The following MPRIP variants were observed in gnomAD, a reference collection of about 807,000 sequenced individuals.
MPRIP encodes the protein myosin phosphatase Rho interacting protein, also known as myosin phosphatase Rho-interacting protein.
A neutral mutation model predicts 234.9 loss-of-function variants in MPRIP; 59 were observed. That is an observed-to-expected ratio of 0.25 (90% CI 0.20 to 0.31). The LOEUF (loss-of-function observed/expected upper bound fraction) is 0.31. MPRIP is among the 10% of genes least tolerant of loss of function. MPRIP has a pLI of 1.00. For missense variants in MPRIP, 2,436 were observed against 3,071.0 expected, an observed-to-expected ratio of 0.79 and a Z score of 4.89; for synonymous variants, 1,144 against 1,263.9, an observed-to-expected ratio of 0.91 and a Z score of 2.01.
intron 3 of MPRIP, among the ~76,000 whole-genome samples, chr17:17,085,705 A>G (rs11652936): frequency 0.069 from 10,455 of 152,276 alleles, 500 homozygotes; most frequent in East Asian, 0.17. Context: ...CGAGGTCAGG[A>G]GATCGAGACC....
chr17:17,187,426 C>T lies in MPRIP; in HGVS notation c.*2532C>T, dbSNP rs56129495. 13,013 of 152,262 alleles carry T rather than the reference C, an allele frequency of 0.085. 699 individuals carry two copies. Among genetic ancestry groups the T allele is most frequent in the Middle Eastern group, 0.15 (45 of 294 alleles). 9.4% of individuals were successfully genotyped at this position (152,262 alleles called of 1,614,324 possible). A position where few individuals can be genotyped will look rare whatever the true frequency, so the allele number is the denominator to read the frequency against. On this transcript the variant is annotated 3_prime_UTR_variant, in exon 24 of 24. Transcript: ENST00000651222. ...TGAAAATGCCCTGGGCCTGTCCTGG[C>T]GTTTCTGAAGAGCCCTCATACAGGG...
chr17:17,129,918 G>A (rs2090563818), intron 4 of MPRIP, among the ~76,000 whole-genome samples: 2 of 152,224 alleles, frequency 1.3e-5, no homozygotes, highest in Non-Finnish European at 2.9e-5. Flanking sequence ...CATAGGGCTT[G>A]TGAACATCCC....
At chr17:17,147,243 T>A (rs1215503203) in intron 10 of MPRIP, 76 bp from the exon 11 acceptor site, 1 of 1,423,474 alleles carries the variant, frequency 7.0e-7, no homozygotes, top group Non-Finnish European at 9.9e-7. Flanking sequence ...AGGCTCTGGC[T>A]GCGCACCGCC....
At position 17,164,828 on chromosome 17, in the gene MPRIP, G is replaced by A; in HGVS notation, c.3237G>A (p.Val1079=). The A allele has an allele frequency of 1.5e-6, 2 of 1,304,204 alleles. No individual in the cohort carries two copies. The highest frequency in any genetic ancestry group is 2.0e-6 in the Non-Finnish European group (2 of 988,942). The allele number at this position is 1,304,204 out of a possible 1,614,324, so 80.8% of individuals were successfully genotyped here. The part of the protein sequence containing the change: ...LSATFEGSEQ[V]HQLEEQLEAR... ...CCACTTTCGAGGGCAGTGAGCAGGT[G>A]CACCAGCTGGAGGAGCAGCTGGAGG... The change falls in exon 16 of 24, where the codon GTG becomes GTA. Residue 1079 remains valine (V), a synonymous_variant. Transcript: ENST00000651222.
intron 8 of MPRIP, among the ~76,000 whole-genome samples, chr17:17,143,041 A>G (rs999940676): frequency 6.6e-6 from 1 of 152,158 alleles, no homozygotes; most frequent in Non-Finnish European, 1.5e-5. Flanking sequence ...GCCCAGCAAC[A>G]AGGCTGAATG....
intron 3 of MPRIP, among the ~76,000 whole-genome samples, chr17:17,096,291 GTGTGTGTGTGTGTGTGTGTGT>G (rs2089841039): frequency 1.2e-3 from 2 of 1,682 alleles, no homozygotes; most frequent in South Asian, 0.023. Context: ...TGTGCAGGGT[GTGTGTGTGTGTGTGTGTGTGT>G]GTGTGTGTGT....
chr17:17,104,904 C>G (rs1001381099), intron 3 of MPRIP, among the ~76,000 whole-genome samples: 4 of 152,098 alleles, frequency 2.6e-5, no homozygotes, highest in South Asian at 4.2e-4. Flanking sequence ...GGCACTTGTT[C>G]AGGTTTCTCT....
intron 19 of MPRIP, 46 bp downstream of exon 19, chr17:17,174,121 A>T: frequency 6.2e-7 from 1 of 1,600,892 alleles, no homozygotes; most frequent in Non-Finnish European, 8.5e-7. Flanking sequence ...GGGGCACTCA[A>T]GGTCAGGTAG....
chr17:17,171,831 C>T lies in MPRIP; in HGVS notation c.6438C>T (p.Arg2146=). 1.2e-6 allele frequency: 2 copies of T among 1,613,488 alleles called. No homozygotes were observed. The highest frequency in any genetic ancestry group is 1.7e-6 in the Non-Finnish European group (2 of 1,180,002). The change falls in exon 17 of 24, where the codon CGC becomes CGT. Residue 2146 remains arginine, a synonymous_variant. Coordinates refer to ENST00000651222, the MANE Select transcript of MPRIP (RefSeq NM_001364716.4). ...AGAAACTTCGAGAAGAGAAAGACCG[C>T]CTCCTAGCCGAGGAGACAGCGGCCA... ...ELEKLREEKD[R]LLAEETAATI...
At chr17:17,157,553 G>A (rs1357420742) in intron 13 of MPRIP, among the ~76,000 whole-genome samples, 1 of 152,198 alleles carries the variant, frequency 6.6e-6, no homozygotes, top group African/African-American at 2.4e-5. Flanking sequence ...CATAGATTCA[G>A]GCTGGGCACA....
At chr17:17,135,088 G>A (rs1195660803) in intron 5 of MPRIP, among the ~76,000 whole-genome samples, 1 of 152,226 alleles carries the variant, frequency 6.6e-6, no homozygotes, top group Non-Finnish European at 1.5e-5. Flanking sequence ...TTTTGGAGAG[G>A]GGCCAAAGCC....
intron 1 of MPRIP, among the ~76,000 whole-genome samples, chr17:17,059,301 C>T (rs1435053772): frequency 6.6e-6 from 1 of 152,170 alleles, no homozygotes; most frequent in Non-Finnish European, 1.5e-5. Flanking sequence ...CTCTACTGTA[C>T]ACTCATGAAA....
Position 17,167,419 on chromosome 17 carries a change from C to T in MPRIP, c.5828C>T (p.Thr1943Ile), listed in dbSNP as rs1224523443. The change falls in exon 16 of 24, where the codon ACC becomes ATC. Residue 1943 changes from threonine (T) to isoleucine (I), a missense_variant. Transcript: ENST00000651222. The surrounding 1 kb of genome is among the most constrained non-coding windows in gnomAD (Gnocchi z 5.9). ...AGCAAGCACAGCATGAGCATGTTCA[C>T]CCTGCGGGGCAGGTATGAGGAGGAG... ...AESKHSMSMF[T>I]LRGRYEEEIR... 2.3e-6 allele frequency: 3 copies of T among 1,304,214 alleles called. No individual in the cohort carries two copies. The highest frequency in any genetic ancestry group is 1.2e-5 in the South Asian group (1 of 81,030). The allele number at this position is 1,304,214 out of a possible 1,614,324, so 80.8% of individuals were successfully genotyped here. A position where few individuals can be genotyped will look rare whatever the true frequency, so the allele number is the denominator to read the frequency against.
chr17:17,165,032 C>G lies in MPRIP; in HGVS notation c.3441C>G (p.His1147Gln). 2.3e-6 allele frequency: 3 copies of G among 1,301,946 alleles called. No individual in the cohort carries two copies. The highest frequency in any genetic ancestry group is 3.0e-6 in the Non-Finnish European group (3 of 988,894). The allele number at this position is 1,301,946 out of a possible 1,614,324, so 80.6% of individuals were successfully genotyped here. A position where few individuals can be genotyped will look rare whatever the true frequency, so the allele number is the denominator to read the frequency against. Residue 1147 changes from histidine (H) to glutamine (Q), a missense_variant, in exon 16 of 24, where the codon CAC becomes CAG. Transcript: ENST00000651222. Reference sequence around the variant, plus strand: ...AGGCTGACAACCAGAGCCTGGAGCACTCCTACCAGAGGGTCTCCAGCCAGC... The same window carrying G: ...AGGCTGACAACCAGAGCCTGGAGCAGTCCTACCAGAGGGTCTCCAGCCAGC... ...RREADNQSLE[H>Q]SYQRVSSQLQ...
intron 3 of MPRIP, among the ~76,000 whole-genome samples, chr17:17,120,913 G>A (rs2090376510): frequency 1.3e-5 from 2 of 152,160 alleles, no homozygotes; most frequent in Non-Finnish European, 2.9e-5. Context: ...AGACACAGAT[G>A]GTTGTATCCT....
chr17:17,111,020 A>G (rs2090156979), intron 3 of MPRIP, among the ~76,000 whole-genome samples: 1 of 152,106 alleles, frequency 6.6e-6, no homozygotes, highest in African/African-American at 2.4e-5. Flanking sequence ...TAGCAAATGC[A>G]CTGCACTGAT....
chr17:17,064,304 C>T (rs117345712), intron 1 of MPRIP, among the ~76,000 whole-genome samples: 4,080 of 151,290 alleles, frequency 0.027, 109 homozygotes, highest in East Asian at 0.12. Context: ...TGGGTTGAAG[C>T]GATTCTCCTG....
chr17:17,120,432 C>G (rs2090367192), intron 3 of MPRIP, among the ~76,000 whole-genome samples: 1 of 152,192 alleles, frequency 6.6e-6, no homozygotes, highest in Non-Finnish European at 1.5e-5. Context: ...CTGCAGTGCA[C>G]AGAGCTTCCA....
intron 1 of MPRIP, among the ~76,000 whole-genome samples, chr17:17,050,092 C>G (rs1313531178): frequency 2.6e-5 from 4 of 152,148 alleles, no homozygotes; most frequent in African/African-American, 9.7e-5. Flanking sequence ...CTTTGGGAGG[C>G]CGAGGCGGGT....
Sources: allele counts gnomAD v4.1 joint callset (sites outside exome capture counted in the v4.1 genomes callset), GRCh38; gene constraint gnomAD v4.1.1; non-coding constraint Gnocchi (gnomAD v3.1); transcripts MANE v1.5; gene names NCBI Gene and HGNC (gene_info 2026-07-23, HGNC 2026-07-21).